The following EFCAB6 variants were observed in gnomAD, a reference collection of about 807,000 sequenced individuals.
EFCAB6 encodes EF-hand calcium binding domain 6.
Under a neutral mutation model 169.8 loss-of-function variants are expected in EFCAB6, and 156 were observed. That is an observed-to-expected ratio of 0.92 (90% CI 0.81 to 1.05). The LOEUF (loss-of-function observed/expected upper bound fraction) is 1.05, where lower values mean the gene tolerates loss of function less well. Among genes scored for constraint, EFCAB6 ranks in the 50% least tolerant of loss-of-function variants. EFCAB6 has a pLI of 0.00. For missense variants in EFCAB6, 1,800 were observed against 1,829.1 expected, an observed-to-expected ratio of 0.98 and a Z score of 0.29; for synonymous variants, 698 against 676.4, an observed-to-expected ratio of 1.03 and a Z score of -0.50.
At chr22:43,677,153 G>A (rs1433280980) in intron 13 of EFCAB6, among the ~76,000 whole-genome samples, 2 of 152,132 alleles carry the variant, frequency 1.3e-5, no homozygotes, top group Non-Finnish European at 2.9e-5. Context: ...TTTTTTAAAT[G>A]CTAATAGCTA....
intron 8 of EFCAB6, among the ~76,000 whole-genome samples, chr22:43,723,256 T>G (rs978873950): frequency 6.6e-6 from 1 of 152,120 alleles, no homozygotes; most frequent in African/African-American, 2.4e-5. Context: ...ATTGTTAAAA[T>G]GACAACAAAA....
At chr22:43,698,119 T>C (rs2058641788) in intron 10 of EFCAB6, among the ~76,000 whole-genome samples, 1 of 152,106 alleles carries the variant, frequency 6.6e-6, no homozygotes, top group African/African-American at 2.4e-5. Context: ...GCTTTCAGGG[T>C]GGCAGAAATG....
chr22:43,528,882 T>C lies in EFCAB6; in HGVS notation c.4477A>G (p.Asn1493Asp). The C allele has an allele frequency of 6.2e-7, 1 of 1,611,408 alleles. No individual in the cohort carries two copies. Among genetic ancestry groups the C allele is most frequent in the Non-Finnish European group, 8.5e-7 (1 of 1,177,910 alleles). ...DKTLSSKISY[N>D]DFLRAFLQ is the part of the protein sequence containing the mutation. The stretch of plus-strand genomic sequence containing the variant: ...TGGAGGAATGCCCGGAGGAAGTCGT[T>C]GTAGGAGATTTTTGAAGACAGCGTC... Residue 1493 changes from asparagine (N) to aspartate (D), a missense_variant, in exon 32 of 32, where the codon AAC (asparagine) becomes GAC (aspartate). Asn to Asp is a conservative substitution (Grantham distance 23). Transcript: ENST00000262726.
At chr22:43,583,773 T>A (rs144984442) in intron 24 of EFCAB6, among the ~76,000 whole-genome samples, 9 of 152,250 alleles carry the variant, frequency 5.9e-5, no homozygotes, top group Non-Finnish European at 1.3e-4. Flanking sequence ...TCAGCAGATA[T>A]TAAATCTGCT....
chr22:43,712,826 A>C (rs916671198), intron 9 of EFCAB6, among the ~76,000 whole-genome samples: 1 of 152,182 alleles, frequency 6.6e-6, no homozygotes, highest in African/African-American at 2.4e-5. Context: ...GCGATGATCA[A>C]GAGCTTTTAG....
At chr22:43,601,355 T>C (rs2147536671) in intron 22 of EFCAB6, among the ~76,000 whole-genome samples, 1 of 152,364 alleles carries the variant, frequency 6.6e-6, no homozygotes, top group South Asian at 2.1e-4. Context: ...AGCATTTATT[T>C]TTACAGAAAG....
chr22:43,685,656 A>G (rs185979229), intron 11 of EFCAB6, among the ~76,000 whole-genome samples: 1 of 152,216 alleles, frequency 6.6e-6, no homozygotes, highest in African/African-American at 2.4e-5. Flanking sequence ...CCCATCGCGG[A>G]TTTTGATTGA....
In EFCAB6 at chr22:43,572,258, C is replaced by T. The variant is rs774890266; in HGVS notation, c.3420+4039G>A. 6.6e-5 allele frequency among the ~76,000 whole-genome samples: 10 copies of T among 152,266 alleles called. No homozygotes were observed. Among genetic ancestry groups the T allele is most frequent in the South Asian group, 2.1e-4 (1 of 4,826 alleles). ...AACTGGGCAGAACTAACCAATGTTG[C>T]GGGAGGCAAGCTGACAGCACATAAA... On this transcript the variant is annotated intron_variant, in intron 26 of 31. Transcript: ENST00000262726. This position sits in a 1 kb window ranked among gnomAD's most constrained non-coding sequence, Gnocchi z 4.0.
intron 2 of EFCAB6, among the ~76,000 whole-genome samples, chr22:43,804,758 C>CAAAA (rs57008458): frequency 7.9e-6 from 1 of 127,066 alleles, no homozygotes. Context: ...AGCCCTGCCT[C>CAAAA]AAAAAAAAAA....
intron 6 of EFCAB6, among the ~76,000 whole-genome samples, chr22:43,741,285 T>G (rs1166237973): frequency 6.6e-6 from 1 of 151,950 alleles, no homozygotes; most frequent in Non-Finnish European, 1.5e-5. Flanking sequence ...GCTCTTCTCA[T>G]CCGCTATGAG....
chr22:43,675,124 T>C (rs943442863), intron 13 of EFCAB6, among the ~76,000 whole-genome samples: 2 of 149,986 alleles, frequency 1.3e-5, no homozygotes, highest in Non-Finnish European at 3.0e-5. Flanking sequence ...TAAGAATGCA[T>C]AAAGGAATTT....
chr22:43,615,836 T>G lies in EFCAB6; in HGVS notation c.2552A>C (p.Asp851Ala), dbSNP rs749380806. Residue 851 changes from aspartate (D) to alanine (A), a missense_variant, in exon 21 of 32, where the codon GAC becomes GCC. Asp to Ala is a moderately radical substitution (Grantham distance 126). Coordinates refer to ENST00000262726, the MANE Select transcript of EFCAB6 (RefSeq NM_022785.4). ...TAATCATTTTCTTACCTTAGACAAG[T>G]CTGACCATCTGTTTTTTGCTTTGGT... ...LVTKAKNRWS[D>A]LSKNFLETDN... is the part of the protein sequence containing the mutation. 1.9e-6 allele frequency: 3 copies of G among 1,613,018 alleles called. No homozygotes were observed. In the African/African-American group the frequency reaches 4.0e-5, roughly 22 times the overall value.
At chr22:43,582,335 T>TACACATACACACAC (rs1555941357) in intron 24 of EFCAB6, among the ~76,000 whole-genome samples, 2 of 124,230 alleles carry the variant, frequency 1.6e-5, no homozygotes, top group Non-Finnish European at 3.4e-5. Context: ...TTCCTTTCTA[T>TACACATACACACAC]ACACATACAC....
chr22:43,556,958 C>T (rs986102439), intron 26 of EFCAB6, among the ~76,000 whole-genome samples: 2 of 152,196 alleles, frequency 1.3e-5, no homozygotes, highest in Non-Finnish European at 2.9e-5. Flanking sequence ...GAGCATGTCC[C>T]TAAGGGATGT....
chr22:43,626,557 G>A lies in EFCAB6; in HGVS notation c.2355C>T (p.Phe785=). The A allele has an allele frequency of 6.2e-7, 1 of 1,614,162 alleles. No homozygotes were observed. ...TAAGTCTCAAGCCAAGAAGGCCAAG[G>A]AAGCGCTCAAACTCGTCGTCTTTGA... ...LNLKDDEFER[F]LGLLGLRLSV... is the part of the protein sequence containing the mutation. Residue 785 remains phenylalanine, a synonymous_variant, in exon 20 of 32, where the codon TTC becomes TTT. Transcript: ENST00000262726.
chr22:43,714,970 T>C (rs920692418), intron 9 of EFCAB6, among the ~76,000 whole-genome samples: 1 of 152,056 alleles, frequency 6.6e-6, no homozygotes, highest in Non-Finnish European at 1.5e-5. Context: ...AGTATAAATA[T>C]TATAAACTCA....
At chr22:43,717,830 A>C (rs908001421) in intron 8 of EFCAB6, among the ~76,000 whole-genome samples, 29 of 152,316 alleles carry the variant, frequency 1.9e-4, no homozygotes, top group Non-Finnish European at 4.1e-4. Flanking sequence ...ATGAGAGGAA[A>C]AAAATGAAAC....
intron 6 of EFCAB6, among the ~76,000 whole-genome samples, chr22:43,746,308 A>T (rs963476110): frequency 2.6e-5 from 4 of 152,152 alleles, no homozygotes; most frequent in African/African-American, 9.7e-5. Context: ...AGATATCCAA[A>T]TAAGATCCAC....
intron 19 of EFCAB6, among the ~76,000 whole-genome samples, chr22:43,626,966 C>G (rs1018283215): frequency 6.6e-6 from 1 of 152,146 alleles, no homozygotes; most frequent in Non-Finnish European, 1.5e-5. Flanking sequence ...TCCACACTCT[C>G]GGTTTGTGGA....
Sources: allele counts gnomAD v4.1 joint callset (sites outside exome capture counted in the v4.1 genomes callset), GRCh38; gene constraint gnomAD v4.1.1; non-coding constraint Gnocchi (gnomAD v3.1); transcripts MANE v1.5; gene names NCBI Gene and HGNC (gene_info 2026-07-23, HGNC 2026-07-21).